Variants in CDKAL1 observed in about 807,000 individuals in gnomAD.
The protein encoded by CDKAL1 is CDKAL1 threonylcarbamoyladenosine tRNA methylthiotransferase, also known as threonylcarbamoyladenosine tRNA methylthiotransferase.
Under a neutral mutation model 68.2 loss-of-function variants are expected in CDKAL1, and 32 were observed. The observed-to-expected ratio is 0.47, with a 90% CI of 0.35 to 0.63. The LOEUF (loss-of-function observed/expected upper bound fraction) is 0.63, where lower values mean the gene tolerates loss of function less well. Ranked by LOEUF, CDKAL1 falls within the 30% of genes least tolerant of loss-of-function variation. CDKAL1 has a pLI of 0.00. For synonymous variants in CDKAL1, 234 were observed against 244.3 expected, an observed-to-expected ratio of 0.96 and a Z score of 0.39; for missense variants, 606 against 696.7, an observed-to-expected ratio of 0.87 and a Z score of 1.47.
intron 4 of CDKAL1, among the ~76,000 whole-genome samples, chr6:20,589,769 T>C (rs1234756236): frequency 6.6e-6 from 1 of 152,236 alleles, no homozygotes; most frequent in Non-Finnish European, 1.5e-5. Context: ...TTTTCTCATA[T>C]TCAGTGAAGT....
chr6:21,032,537 A>G (rs1741006336), intron 11 of CDKAL1, among the ~76,000 whole-genome samples: 1 of 152,234 alleles, frequency 6.6e-6, no homozygotes, highest in African/African-American at 2.4e-5. Flanking sequence ...AACTTTTTAT[A>G]TAAAGTAATG....
chr6:21,098,520 A>G (rs1562029537), intron 12 of CDKAL1, among the ~76,000 whole-genome samples: 1 of 147,384 alleles, frequency 6.8e-6, no homozygotes, highest in Non-Finnish European at 1.5e-5. Flanking sequence ...TTATGAGGTT[A>G]AACGGGTACA....
At position 21,065,037 on chromosome 6, in the gene CDKAL1, T is replaced by C; in HGVS notation, c.1056-11T>C. 6.6e-7 allele frequency: 1 copy of C among 1,513,872 alleles called. No individual in the cohort carries two copies. The highest frequency in any genetic ancestry group is 8.9e-7 in the Non-Finnish European group (1 of 1,125,416). 93.8% of individuals were successfully genotyped at this position (1,513,872 alleles called of 1,614,324 possible). On this transcript the variant is annotated splice_polypyrimidine_tract_variant and intron_variant, in intron 11 of 15. Transcript: ENST00000274695. The stretch of plus-strand genomic sequence containing the variant: ...GTCAAGTTTTTACATTTTTGTCTTG[T>C]TATTTTCTAGAGTTCCTGGAATAAC...
chr6:20,596,565 G>A (rs550530439), intron 4 of CDKAL1, among the ~76,000 whole-genome samples: 47 of 152,312 alleles, frequency 3.1e-4, no homozygotes, highest in South Asian at 1.4e-3. Flanking sequence ...CTGGCAGTGC[G>A]AATTTCAAGC....
chr6:20,692,847 C>T (rs536711123), intron 5 of CDKAL1, among the ~76,000 whole-genome samples: 1 of 151,918 alleles, frequency 6.6e-6, no homozygotes, highest in East Asian at 1.9e-4. Context: ...ACAGTTGTGG[C>T]CGGGTGCGGT....
At chr6:20,543,184 C>T (rs1220351437) in intron 2 of CDKAL1, among the ~76,000 whole-genome samples, 2 of 152,118 alleles carry the variant, frequency 1.3e-5, no homozygotes, top group Non-Finnish European at 2.9e-5. Flanking sequence ...GATAATTGCC[C>T]AGGAGTACAA....
chr6:20,887,150 C>T (rs1212480542), intron 9 of CDKAL1, among the ~76,000 whole-genome samples: 2 of 152,158 alleles, frequency 1.3e-5, no homozygotes, highest in South Asian at 2.1e-4. Flanking sequence ...AGTACAACCA[C>T]CAGAATTTAA....
intron 14 of CDKAL1, among the ~76,000 whole-genome samples, chr6:21,198,925 A>G (rs547442944): frequency 1.1e-4 from 16 of 152,222 alleles, no homozygotes; most frequent in African/African-American, 3.4e-4. Context: ...AGGCCAGGGA[A>G]GAGATGGGAT....
At chr6:20,930,175 A>G (rs1330334766) in intron 9 of CDKAL1, among the ~76,000 whole-genome samples, 2 of 152,152 alleles carry the variant, frequency 1.3e-5, no homozygotes, top group African/African-American at 2.4e-5. Flanking sequence ...AATGAAAGCT[A>G]TTTAAGAGAA....
chr6:21,172,461 C>T (rs1446272921), intron 13 of CDKAL1, among the ~76,000 whole-genome samples: 2 of 152,134 alleles, frequency 1.3e-5, no homozygotes, highest in Non-Finnish European at 2.9e-5. Context: ...AGTTTGAAAG[C>T]TTTCTTGGCT....
At chr6:20,938,495 G>A (rs1253524981) in intron 9 of CDKAL1, among the ~76,000 whole-genome samples, 1 of 152,178 alleles carries the variant, frequency 6.6e-6, no homozygotes, top group Non-Finnish European at 1.5e-5. Context: ...TAGATAGCCA[G>A]TGCACTTCTA....
intron 11 of CDKAL1, among the ~76,000 whole-genome samples, chr6:21,056,781 C>T (rs1770860971): frequency 6.6e-6 from 1 of 152,116 alleles, no homozygotes; most frequent in African/African-American, 2.4e-5. Context: ...TTGAGAAAAT[C>T]GTGTGGTTTT....
At chr6:21,205,600 G>A (rs528839459) in intron 15 of CDKAL1, among the ~76,000 whole-genome samples, 15 of 151,524 alleles carry the variant, frequency 9.9e-5, no homozygotes, top group South Asian at 2.1e-4. Flanking sequence ...GCCTGATCTC[G>A]GCTCACTGTA....
At chr6:21,215,842 C>G (rs754214963) in intron 15 of CDKAL1, among the ~76,000 whole-genome samples, 1 of 152,134 alleles carries the variant, frequency 6.6e-6, no homozygotes, top group Non-Finnish European at 1.5e-5. Flanking sequence ...ATCCCTAGAA[C>G]CTGTGAATAT....
intron 12 of CDKAL1, among the ~76,000 whole-genome samples, chr6:21,084,813 A>G (rs939281826): frequency 3.3e-5 from 5 of 152,192 alleles, no homozygotes; most frequent in African/African-American, 1.2e-4. Context: ...GGCCGTTACA[A>G]AGTTATATGA....
intron 7 of CDKAL1, among the ~76,000 whole-genome samples, chr6:20,780,835 G>A (rs1210004428): frequency 3.3e-5 from 5 of 151,554 alleles, no homozygotes; most frequent in South Asian, 2.1e-4. Flanking sequence ...CACCACACCC[G>A]GCTTATTTTT....
intron 8 of CDKAL1, among the ~76,000 whole-genome samples, chr6:20,791,625 G>A (rs1775902807): frequency 6.6e-6 from 1 of 152,106 alleles, no homozygotes; most frequent in South Asian, 2.1e-4. Flanking sequence ...GGAATATGGG[G>A]CTAATGTAGT....
intron 8 of CDKAL1, among the ~76,000 whole-genome samples, chr6:20,798,961 G>A (rs1776236800): frequency 7.0e-6 from 1 of 143,512 alleles, no homozygotes; most frequent in Admixed American, 7.0e-5. Context: ...TAAAAGGTTT[G>A]CATCTCATTT....
intron 8 of CDKAL1, among the ~76,000 whole-genome samples, chr6:20,784,412 C>CTCTTTTT (rs1775572083): frequency 6.0e-5 from 2 of 33,494 alleles, no homozygotes; most frequent in Non-Finnish European, 1.0e-4. Flanking sequence ...TATTTTATTT[C>CTCTTTTT]TTTTTTTTTT....
Sources: allele counts gnomAD v4.1 joint callset (sites outside exome capture counted in the v4.1 genomes callset), GRCh38; gene constraint gnomAD v4.1.1; transcripts MANE v1.5; gene names NCBI Gene and HGNC (gene_info 2026-07-23, HGNC 2026-07-21).